Variants in EXOSC9 observed in about 807,000 individuals in gnomAD.
EXOSC9 encodes exosome component 9.
In EXOSC9, 38 loss-of-function variants were observed where a neutral mutation model predicts 56.5. The observed-to-expected ratio is 0.67, with a 90% CI of 0.52 to 0.88. The LOEUF is 0.88. Ranked by LOEUF, EXOSC9 falls within the 40% of genes least tolerant of loss-of-function variation. The probability of loss-of-function intolerance (pLI) is 0.00; values close to 1 mark genes in which losing one functional copy is unlikely to be tolerated. For missense variants in EXOSC9, 559 were observed against 530.5 expected, an observed-to-expected ratio of 1.05 and a Z score of -0.53; for synonymous variants, 170 against 170.8, an observed-to-expected ratio of 0.99 and a Z score of 0.04.
rs150388479 is a variant in EXOSC9, at chr4:121,804,608, A to G, written c.385-14A>G. 1.4e-3 allele frequency: 2,087 copies of G among 1,510,560 alleles called. 19 individuals are homozygous for G. The African/African-American group carries it at 0.024, about 17-fold the overall frequency. The allele number at this position is 1,510,560 out of a possible 1,614,324, so 93.6% of individuals were successfully genotyped here. A position where few individuals can be genotyped will look rare whatever the true frequency, so the allele number is the denominator to read the frequency against. On this transcript the variant is annotated splice_polypyrimidine_tract_variant and intron_variant, in intron 4 of 11. Coordinates refer to ENST00000243498, the MANE Select transcript of EXOSC9 (RefSeq NM_005033.3). The stretch of plus-strand genomic sequence containing the variant: ...ATCAGTTAGGATTTATTTTTATTTT[A>G]AATTCACTATCAGGTTTGGCAAATA...
intron 10 of EXOSC9, chr4:121,816,108 AC>A: frequency 1.6e-6 from 1 of 643,146 alleles, no homozygotes; most frequent in Non-Finnish European, 2.6e-6. Context: ...AGCACATGCC[AC>A]CACGCCTGGC....
At chr4:121,803,149 T>C in intron 4 of EXOSC9, 132 bp downstream of exon 4, 2 of 652,858 alleles carry the variant, frequency 3.1e-6, no homozygotes, top group East Asian at 2.8e-5. Flanking sequence ...CAGATGTTCT[T>C]GAGTGATACC....
chr4:121,807,053 G>C (rs894997147), intron 5 of EXOSC9, among the ~76,000 whole-genome samples: 6 of 152,206 alleles, frequency 3.9e-5, no homozygotes, highest in African/African-American at 1.4e-4. Flanking sequence ...AGCACTTTGG[G>C]AGGCCAAGGC....
intron 8 of EXOSC9, among the ~76,000 whole-genome samples, chr4:121,812,243 G>A (rs1351782117): frequency 6.6e-6 from 1 of 152,134 alleles, no homozygotes; most frequent in Non-Finnish European, 1.5e-5. Context: ...AGAGCAAGAG[G>A]TCTTCATTAA....
intron 2 of EXOSC9, 101 bp downstream of exon 2, chr4:121,802,022 A>G (rs1424299892): frequency 3.6e-6 from 3 of 833,120 alleles, no homozygotes; most frequent in South Asian, 1.6e-5. Context: ...TCTGGACAGT[A>G]TTCTTTGTTT....
chr4:121,813,913 A>T lies in EXOSC9; in HGVS notation c.1022A>T (p.Glu341Val). The change falls in exon 10 of 12, where the codon GAG (glutamate) becomes GTG (valine). Residue 341 changes from glutamate to valine, a missense_variant. Transcript: ENST00000243498. ...ACTCCTGGAACTGCCCAAATTGGAG[A>T]GGGAGTAGAAAACTCCTGGGGTGAT... ...LWTPGTAQIGEGVENSWGDLE... is the reference protein window; with the variant it reads ...LWTPGTAQIGVGVENSWGDLE... 6.2e-7 allele frequency: 1 copy of T among 1,613,290 alleles called. No individual in the cohort carries two copies. Among genetic ancestry groups the T allele is most frequent in the Non-Finnish European group, 8.5e-7 (1 of 1,179,360 alleles).
chr4:121,810,794 G>A (rs1266784785), intron 7 of EXOSC9, among the ~76,000 whole-genome samples: 1 of 152,150 alleles, frequency 6.6e-6, no homozygotes, highest in East Asian at 1.9e-4. Context: ...AGCCTAGGAG[G>A]TGGAGGTTGA....
intron 6 of EXOSC9, among the ~76,000 whole-genome samples, chr4:121,808,854 T>A (rs1401835510): frequency 6.6e-6 from 1 of 152,030 alleles, no homozygotes; most frequent in Non-Finnish European, 1.5e-5. Flanking sequence ...TCTTTATTTT[T>A]TGTAGAGATG....
rs1372969514 is a variant in EXOSC9, at chr4:121,813,344, A to G, written c.938A>G (p.Glu313Gly). Residue 313 changes from glutamate (E) to glycine (G), a missense_variant, in exon 9 of 12, where the codon GAA becomes GGA. Glu to Gly is a moderately conservative substitution (Grantham distance 98). Transcript: ENST00000243498. ...IDTSDVEEKA[E>G]EIIAEAEPPS... is the part of the protein sequence containing the mutation. ...ACCTCGGATGTAGAAGAAAAAGCAG[A>G]AGAAATCATTGCTGAAGCAGAACCT... 2.5e-6 allele frequency: 4 copies of G among 1,613,712 alleles called. No individual in the cohort carries two copies. Among genetic ancestry groups the G allele is most frequent in the South Asian group, 2.2e-5 (2 of 91,040 alleles).
chr4:121,802,673 G>A lies in EXOSC9; in HGVS notation c.162-1G>A, dbSNP rs371767112. On this transcript the variant is annotated splice_acceptor_variant, in intron 2 of 11. Transcript: ENST00000243498. LOFTEE classifies it high-confidence loss of function. Reference sequence around the variant, plus strand: ...AATACTTTGTAACTTTATCTTTGCAGAGTTCTTGGACAGGTTTCCTGTGAA... The same window carrying A: ...AATACTTTGTAACTTTATCTTTGCAAAGTTCTTGGACAGGTTTCCTGTGAA... 23 of 1,612,806 alleles carry A rather than the reference G, an allele frequency of 1.4e-5. No individual in the cohort carries two copies. Among genetic ancestry groups the A allele is most frequent in the Non-Finnish European group, 1.9e-5 (23 of 1,179,722 alleles).
intron 8 of EXOSC9, 25 bp from the exon 9 acceptor site, chr4:121,813,209 C>T (rs1724316283): frequency 6.3e-7 from 1 of 1,587,602 alleles, no homozygotes; most frequent in South Asian, 1.2e-5. Context: ...CCCTTCCTTC[C>T]CACCAAAAAA....
At position 121,807,806 on chromosome 4, in the gene EXOSC9, T is replaced by C. The variant is rs193212916; in HGVS notation, c.605+184T>C. 76 of 599,328 alleles carry C rather than the reference T, an allele frequency of 1.3e-4. No individual in the cohort carries two copies. The Admixed American group carries it at 2.2e-3, about 17-fold the overall frequency. The allele number at this position is 599,328 out of a possible 1,614,324, so 37.1% of individuals were successfully genotyped here. On this transcript the variant is annotated intron_variant, in intron 6 of 11. Transcript: ENST00000243498. ...ACTTTCTCAGTAGAAGTAACAAAAC[T>C]CTTATACTTTGATGAAGATACTTCC...
chr4:121,804,044 A>G (rs1196957674), intron 4 of EXOSC9, among the ~76,000 whole-genome samples: 1 of 152,174 alleles, frequency 6.6e-6, no homozygotes, highest in Non-Finnish European at 1.5e-5. Flanking sequence ...ACTCTCGTCC[A>G]GGCCGGAGTA....
In EXOSC9 at chr4:121,802,644, G is replaced by A. The variant is rs1213354299; in HGVS notation, c.162-30G>A. The A allele has an allele frequency of 2.5e-6, 4 of 1,608,392 alleles. No individual in the cohort carries two copies. In the East Asian group the frequency reaches 8.9e-5, roughly 36 times the overall value. Reference sequence around the variant, plus strand: ...TTTGTTTTGGAAGGAGAGTCTATTTGGTTAATACTTTGTAACTTTATCTTT... The same window carrying A: ...TTTGTTTTGGAAGGAGAGTCTATTTAGTTAATACTTTGTAACTTTATCTTT... On this transcript the variant is annotated intron_variant, in intron 2 of 11. Coordinates refer to ENST00000243498, the MANE Select transcript of EXOSC9 (RefSeq NM_005033.3).
chr4:121,804,196 T>G (rs1578497660), intron 4 of EXOSC9, among the ~76,000 whole-genome samples: 1 of 123,164 alleles, frequency 8.1e-6, no homozygotes, highest in South Asian at 2.5e-4. Context: ...TTTTTTTTTG[T>G]AGAGATAGGG....
At chr4:121,801,575 G>C in intron 1 of EXOSC9, 85 bp downstream of exon 1, 4 of 1,308,110 alleles carry the variant, frequency 3.1e-6, no homozygotes, top group Non-Finnish European at 4.4e-6. Flanking sequence ...GCCTGGGCCC[G>C]GGGAGCTACT....
chr4:121,812,369 GAT>G (rs1727237285), intron 8 of EXOSC9, among the ~76,000 whole-genome samples: 1 of 152,018 alleles, frequency 6.6e-6, no homozygotes, highest in African/African-American at 2.4e-5. Context: ...TTTCACACTT[GAT>G]CTTTCCTTAT....
rs1361810758 is a variant in EXOSC9, at chr4:121,816,931, T to TTTATTCACAAATCCATTATAA, written c.*76_*96dup. On this transcript the variant is annotated 3_prime_UTR_variant, in exon 12 of 12. Transcript: ENST00000243498. ...TCCATTCTGAGAACCCTGGGTATTTTTTATTCACAAATCCATTATAAAATC... is the reference window on the plus strand; with the variant it reads ...TCCATTCTGAGAACCCTGGGTATTTTTTATTCACAAATCCATTATAATTATTCACAAATCCATTATAAAATC... The TTTATTCACAAATCCATTATAA allele has an allele frequency of 7.6e-7, 1 of 1,312,376 alleles. No individual in the cohort carries two copies. Among genetic ancestry groups the TTTATTCACAAATCCATTATAA allele is most frequent in the Non-Finnish European group, 1.0e-6 (1 of 988,532 alleles). The allele number at this position is 1,312,376 out of a possible 1,614,324, so 81.3% of individuals were successfully genotyped here.
intron 5 of EXOSC9, among the ~76,000 whole-genome samples, chr4:121,805,480 C>T (rs992938336): frequency 6.6e-6 from 1 of 152,116 alleles, no homozygotes; most frequent in Non-Finnish European, 1.5e-5. Flanking sequence ...ACATCAGATG[C>T]CCAGATTTTC....
Sources: gnomAD v4.1 joint callset for allele counts (sites outside exome capture counted in the v4.1 genomes callset) on GRCh38, gnomAD v4.1.1 for gene constraint, MANE v1.5 for transcripts, NCBI Gene and HGNC (gene_info 2026-07-23, HGNC 2026-07-21) for gene names.